Variants in LHCGR observed in about 807,000 individuals in gnomAD.
LHCGR encodes the protein lutropin-choriogonadotropic hormone receptor.
In LHCGR, 55 loss-of-function variants were observed where a neutral mutation model predicts 60.7. The observed-to-expected ratio is 0.91, with a 90% CI of 0.73 to 1.13. The LOEUF (loss-of-function observed/expected upper bound fraction) is 1.13, where lower values mean the gene tolerates loss of function less well. LHCGR is among the 50% of genes most tolerant of loss of function. The pLI is 0.00. For synonymous variants in LHCGR, 337 were observed against 316.5 expected, an observed-to-expected ratio of 1.06 and a Z score of -0.69; for missense variants, 862 against 836.0, an observed-to-expected ratio of 1.03 and a Z score of -0.38.
intron 3 of LHCGR, 49 bp from the exon 4 acceptor site, chr2:48,725,799 T>G: frequency 7.2e-7 from 1 of 1,397,070 alleles, no homozygotes; most frequent in Non-Finnish European, 1.0e-6. Context: ...AGATGTGTAT[T>G]GTTTGAAATG....
At chr2:48,741,580 C>T (rs1669455477) in intron 1 of LHCGR, among the ~76,000 whole-genome samples, 1 of 151,666 alleles carries the variant, frequency 6.6e-6, no homozygotes, top group Admixed American at 6.6e-5. Flanking sequence ...AATTTCATAT[C>T]CAGCCAAACT....
intron 8 of LHCGR, among the ~76,000 whole-genome samples, chr2:48,699,516 G>A (rs368251635): frequency 6.6e-6 from 1 of 152,144 alleles, no homozygotes; most frequent in African/African-American, 2.4e-5. Flanking sequence ...TCTACCCCAG[G>A]GGAAATTATT....
chr2:48,755,171 C>T (rs1350957614), intron 1 of LHCGR, among the ~76,000 whole-genome samples: 1 of 151,732 alleles, frequency 6.6e-6, no homozygotes, highest in Non-Finnish European at 1.5e-5. Context: ...TGGCAGAGAC[C>T]CCTGCCAGAG....
At chr2:48,750,263 G>T (rs1340885820) in intron 1 of LHCGR, among the ~76,000 whole-genome samples, 2 of 152,166 alleles carry the variant, frequency 1.3e-5, no homozygotes, top group African/African-American at 4.8e-5. Context: ...TACACCAGGA[G>T]GCCATCTGTC....
chr2:48,703,418 A>C (rs1201921123), intron 8 of LHCGR, among the ~76,000 whole-genome samples: 2 of 152,192 alleles, frequency 1.3e-5, no homozygotes, highest in African/African-American at 4.8e-5. Flanking sequence ...CTTACATTTA[A>C]GTCTTTAATC....
intron 4 of LHCGR, among the ~76,000 whole-genome samples, chr2:48,724,508 C>T (rs1668634906): frequency 6.6e-6 from 1 of 152,188 alleles, no homozygotes; most frequent in Admixed American, 6.5e-5. Context: ...TCCTTCTTAT[C>T]CAAAAGCCCA....
chr2:48,711,746 C>G (rs1484092513), intron 7 of LHCGR, among the ~76,000 whole-genome samples: 1 of 152,140 alleles, frequency 6.6e-6, no homozygotes, highest in Non-Finnish European at 1.5e-5. Flanking sequence ...ATTTTTCCCC[C>G]TGTTCAGGTG....
At chr2:48,729,125 A>C (rs1203188601) in intron 3 of LHCGR, 28 bp downstream of exon 3, 1 of 1,508,388 alleles carries the variant, frequency 6.6e-7, no homozygotes, top group African/African-American at 1.4e-5. Context: ...AGTGTACAGC[A>C]GTAAACTGTC....
intron 1 of LHCGR, among the ~76,000 whole-genome samples, chr2:48,738,467 A>G (rs1669295560): frequency 6.6e-6 from 1 of 152,136 alleles, no homozygotes; most frequent in African/African-American, 2.4e-5. Flanking sequence ...TGACCAATCT[A>G]GATTACTCTT....
At position 48,731,222 on chromosome 2, in the gene LHCGR, C is replaced by A; in HGVS notation, c.233+5G>T. The stretch of plus-strand genomic sequence containing the variant: ...ATGTCTTTTGATATGCAGTAACTTA[C>A]TTACATTTTTATGACCTCATTAAGT... On this transcript the variant is annotated splice_donor_5th_base_variant and intron_variant, in intron 2 of 10. Transcript: ENST00000294954. 6.3e-7 allele frequency: 1 copy of A among 1,590,728 alleles called. No individual in the cohort carries two copies. The highest frequency in any genetic ancestry group is 8.6e-7 in the Non-Finnish European group (1 of 1,159,636).
At chr2:48,706,847 G>C (rs1449110945) in intron 8 of LHCGR, among the ~76,000 whole-genome samples, 1 of 151,998 alleles carries the variant, frequency 6.6e-6, no homozygotes, top group Non-Finnish European at 1.5e-5. Flanking sequence ...TGCTCCTTTG[G>C]CTTGGAGAAG....
intron 8 of LHCGR, among the ~76,000 whole-genome samples, chr2:48,705,192 G>T (rs1189194911): frequency 6.6e-6 from 1 of 152,192 alleles, no homozygotes; most frequent in Admixed American, 6.5e-5. Flanking sequence ...CTATGTAGTT[G>T]TGCGGTTTTG....
At chr2:48,717,514 G>C (rs183599548) in intron 6 of LHCGR, among the ~76,000 whole-genome samples, 2 of 150,138 alleles carry the variant, frequency 1.3e-5, no homozygotes, top group Non-Finnish European at 3.0e-5. Flanking sequence ...GTAGGTTCTG[G>C]AATACAATAA....
intron 1 of LHCGR, 109 bp downstream of exon 1, chr2:48,755,402 T>C (rs1670161172): frequency 1.4e-6 from 1 of 731,118 alleles, no homozygotes; most frequent in Non-Finnish European, 2.2e-6. Flanking sequence ...AAAGCGTTTT[T>C]CTCCAAGCTT....
At position 48,754,000 on chromosome 2, in the gene LHCGR, A is replaced by G. The variant is rs181789573; in HGVS notation, c.161+1511T>C. On this transcript the variant is annotated intron_variant, in intron 1 of 10. Coordinates refer to ENST00000294954, the MANE Select transcript of LHCGR (RefSeq NM_000233.4). ...GTATGATAAGTAGCAGGCAAGTGAG[A>G]AAGTCTGTTAGTAGTACAGTCATTC... is the stretch of plus-strand genomic sequence containing the variant. Among the ~76,000 whole-genome samples, 493 of 152,306 alleles carry G rather than the reference A, an allele frequency of 3.2e-3. 15 individuals carry two copies. The highest frequency in any genetic ancestry group is 7.7e-4 in the East Asian group (4 of 5,188).
chr2:48,716,446 A>T (rs1668254783), intron 6 of LHCGR, among the ~76,000 whole-genome samples: 1 of 152,208 alleles, frequency 6.6e-6, no homozygotes, highest in Non-Finnish European at 1.5e-5. Flanking sequence ...TGGAGGAGGC[A>T]AACAATAAAA....
chr2:48,703,913 TC>T (rs1284822896), intron 8 of LHCGR, among the ~76,000 whole-genome samples: 1 of 152,198 alleles, frequency 6.6e-6, no homozygotes, highest in African/African-American at 2.4e-5. Flanking sequence ...GGCCAGAACT[TC>T]CAATACTATG....
intron 1 of LHCGR, among the ~76,000 whole-genome samples, chr2:48,749,600 C>T (rs995990740): frequency 2.6e-5 from 4 of 151,768 alleles, no homozygotes; most frequent in Admixed American, 2.6e-4. Flanking sequence ...GGAAAGAGAC[C>T]TTTGTTGCCT....
At position 48,755,633 on chromosome 2, in the gene LHCGR, C is replaced by T. The variant is rs1306741393; in HGVS notation, c.39G>A (p.Leu13=). The change falls in exon 1 of 11, where the codon CTG becomes CTA. Residue 13 remains leucine, a synonymous_variant. Coordinates refer to ENST00000294954, the MANE Select transcript of LHCGR (RefSeq NM_000233.4). ...GCAGCGGCGGCTGCAGCAGCAGCAG[C>T]AGCTTCAGCAGCTGCAGCGCCGAGA... The part of the protein sequence containing the change: ...QRFSALQLLK[L]LLLLQPPLPR... 6.5e-7 allele frequency: 1 copy of T among 1,535,680 alleles called. No homozygotes were observed. Among genetic ancestry groups the T allele is most frequent in the Admixed American group, 2.0e-5 (1 of 50,940 alleles).
Sources: gnomAD v4.1 joint callset for allele counts (sites outside exome capture counted in the v4.1 genomes callset) on GRCh38, gnomAD v4.1.1 for gene constraint, MANE v1.5 for transcripts, NCBI Gene and HGNC (gene_info 2026-07-23, HGNC 2026-07-21) for gene names.